The following ZDHHC5 variants were observed in gnomAD, a reference collection of about 807,000 sequenced individuals.
ZDHHC5 encodes zDHHC palmitoyltransferase 5.
Under a neutral mutation model 70.0 loss-of-function variants are expected in ZDHHC5, and 22 were observed. The observed-to-expected ratio is 0.31, with a 90% CI of 0.22 to 0.45. ZDHHC5 has a LOEUF of 0.45. Among genes scored for constraint, ZDHHC5 ranks in the 20% least tolerant of loss-of-function variants. The pLI, the probability that ZDHHC5 is intolerant of heterozygous loss-of-function variation, is 1.00. For missense variants in ZDHHC5, 746 were observed against 926.9 expected, an observed-to-expected ratio of 0.80 and a Z score of 2.53; for synonymous variants, 313 against 347.8, an observed-to-expected ratio of 0.90 and a Z score of 1.11.
intron 7 of ZDHHC5, 55 bp downstream of exon 7, chr11:57,692,757 T>C (rs1946302490): frequency 1.3e-6 from 2 of 1,588,026 alleles, no homozygotes; most frequent in South Asian, 1.1e-5. Context: ...TTTATCTTCT[T>C]TGGGCTTGTT....
At chr11:57,675,599 CT>C (rs1167953496) in intron 2 of ZDHHC5, among the ~76,000 whole-genome samples, 1 of 152,238 alleles carries the variant, frequency 6.6e-6, no homozygotes, top group African/African-American at 2.4e-5. Flanking sequence ...TTCCTTCCCC[CT>C]GGCGCTAGTT....
At chr11:57,678,525 C>T (rs902259546) in intron 2 of ZDHHC5, among the ~76,000 whole-genome samples, 2 of 145,624 alleles carry the variant, frequency 1.4e-5, no homozygotes, top group South Asian at 2.2e-4. Context: ...GAGCCGAGAT[C>T]GCGTCACTGC....
Position 57,695,568 on chromosome 11 carries a change from G to T in ZDHHC5, c.886-352G>T, listed in dbSNP as rs1307188402. Among the ~76,000 whole-genome samples, 8 of 152,072 alleles carry T rather than the reference G, an allele frequency of 5.3e-5. 1 individual carries two copies. The East Asian group carries it at 1.5e-3, about 29-fold the overall frequency. ...AGGGTGGCCAAGGTGGGGTGATATT[G>T]CTTGAGGCCAGGGGTTCAAGACCAG... On this transcript the variant is annotated intron_variant, in intron 8 of 11. Transcript: ENST00000287169.
intron 8 of ZDHHC5, among the ~76,000 whole-genome samples, chr11:57,694,261 G>A (rs1460641018): frequency 6.6e-6 from 1 of 152,116 alleles, no homozygotes; most frequent in African/African-American, 2.4e-5. Context: ...CAAAGTGCTA[G>A]GATTACAAGC....
Position 57,672,621 on chromosome 11 carries a change from G to T in ZDHHC5, c.-470G>T. The T allele has an allele frequency of 4.8e-6, 1 of 207,008 alleles. No homozygotes were observed. The highest frequency in any genetic ancestry group is 9.5e-6 in the Non-Finnish European group (1 of 104,838). The allele number at this position is 207,008 out of a possible 1,614,324, so 12.8% of individuals were successfully genotyped here. ...TCACATTTTATGGAACTGTAGTCGT[G>T]GAGGTACTATAGTATCTCAGAAGAA... is the stretch of plus-strand genomic sequence containing the variant. On this transcript the variant is annotated 5_prime_UTR_variant, in exon 2 of 12. Transcript: ENST00000287169.
chr11:57,684,867 G>A (rs917275324), intron 3 of ZDHHC5, among the ~76,000 whole-genome samples: 1 of 152,114 alleles, frequency 6.6e-6, no homozygotes. Context: ...TTCACTGTAG[G>A]CTTGGCGTGG....
intron 2 of ZDHHC5, among the ~76,000 whole-genome samples, chr11:57,678,841 G>A (rs1946108768): frequency 6.6e-6 from 1 of 152,174 alleles, no homozygotes; most frequent in Admixed American, 6.5e-5. Context: ...GGGTGACAGA[G>A]CGAGACCCTG....
At position 57,700,860 on chromosome 11, in the gene ZDHHC5, A is replaced by G. The variant is rs1361730040; in HGVS notation, c.*829A>G. ...GGGAGAGGGATTAGAGTGTGCTCCT[A>G]CTGGCCCCTTGGAGCCTCCCCTAGC... On this transcript the variant is annotated 3_prime_UTR_variant, in exon 12 of 12. Coordinates refer to ENST00000287169, the MANE Select transcript of ZDHHC5 (RefSeq NM_015457.3). 1 of 152,644 alleles carries G rather than the reference A, an allele frequency of 6.6e-6. No individual in the cohort carries two copies. The highest frequency in any genetic ancestry group is 1.5e-5 in the Non-Finnish European group (1 of 68,048). The allele number at this position is 152,644 out of a possible 1,614,324, so 9.5% of individuals were successfully genotyped here.
intron 3 of ZDHHC5, among the ~76,000 whole-genome samples, chr11:57,683,430 AT>A (rs369833676): frequency 1.1e-3 from 174 of 152,284 alleles, no homozygotes; most frequent in African/African-American, 4.0e-3. Flanking sequence ...ACTTTTCATG[AT>A]TTTATTGGGC....
At chr11:57,691,235 C>T (rs1946281536) in intron 6 of ZDHHC5, among the ~76,000 whole-genome samples, 1 of 152,120 alleles carries the variant, frequency 6.6e-6, no homozygotes, top group African/African-American at 2.4e-5. Context: ...CCACGCCCAA[C>T]TAATTTTTGT....
intron 8 of ZDHHC5, among the ~76,000 whole-genome samples, chr11:57,695,459 C>G (rs566003400): frequency 3.3e-5 from 5 of 152,014 alleles, no homozygotes; most frequent in African/African-American, 1.2e-4. Context: ...AATGCTATAC[C>G]CAAACTGATT....
intron 3 of ZDHHC5, among the ~76,000 whole-genome samples, chr11:57,686,014 A>G (rs1241766085): frequency 1.3e-5 from 2 of 152,194 alleles, no homozygotes; most frequent in South Asian, 2.1e-4. Context: ...GTGTGAGACT[A>G]CATCTCAAAA....
intron 2 of ZDHHC5, among the ~76,000 whole-genome samples, chr11:57,681,301 G>T (rs1946147233): frequency 6.6e-6 from 1 of 152,162 alleles, no homozygotes; most frequent in Non-Finnish European, 1.5e-5. Context: ...ATGCTGTCTT[G>T]TTCTCCTGTC....
Position 57,696,748 on chromosome 11 carries a change from T to A in ZDHHC5, c.1010-13T>A. On this transcript the variant is annotated splice_polypyrimidine_tract_variant and intron_variant, in intron 9 of 11. Transcript: ENST00000287169. ...CTTGTAAAATAGTGCCCCCTTGGCCTTTTTTCTTGCAGATAGTAGCTTATT... is the reference window on the plus strand; with the variant it reads ...CTTGTAAAATAGTGCCCCCTTGGCCATTTTTCTTGCAGATAGTAGCTTATT... 6.2e-7 allele frequency: 1 copy of A among 1,608,984 alleles called. No homozygotes were observed. The highest frequency in any genetic ancestry group is 1.1e-5 in the South Asian group (1 of 90,988).
chr11:57,673,677 TCTC>T (rs1590855854), intron 2 of ZDHHC5, among the ~76,000 whole-genome samples: 1 of 152,162 alleles, frequency 6.6e-6, no homozygotes, highest in Admixed American at 6.5e-5. Flanking sequence ...TTCAAGCGAT[TCTC>T]CTGCCTCAGG....
At chr11:57,699,657 T>G (rs533645928) in intron 11 of ZDHHC5, among the ~76,000 whole-genome samples, 2 of 152,242 alleles carry the variant, frequency 1.3e-5, no homozygotes, top group Non-Finnish European at 2.9e-5. Flanking sequence ...AGTAAGTACA[T>G]GTGATAGCTG....
Position 57,672,733 on chromosome 11 carries a change from ATCTG to A in ZDHHC5, c.-353_-350del, listed in dbSNP as rs1366391177. 2.4e-5 allele frequency: 5 copies of A among 206,294 alleles called. No homozygotes were observed. The South Asian group carries it at 3.2e-4, about 13-fold the overall frequency. 12.8% of individuals were successfully genotyped at this position (206,294 alleles called of 1,614,324 possible). A position where few individuals can be genotyped will look rare whatever the true frequency, so the allele number is the denominator to read the frequency against. The stretch of plus-strand genomic sequence containing the variant: ...GCCTCCATCCATGAGCTGTATCTTG[ATCTG>A]TCTGACTGTCCATGTTTTCCACCTG... On this transcript the variant is annotated 5_prime_UTR_variant, in exon 2 of 12. The change creates a premature stop within an existing upstream ORF in the 5' untranslated region. Coordinates refer to ENST00000287169, the MANE Select transcript of ZDHHC5 (RefSeq NM_015457.3).
chr11:57,699,627 C>T (rs1312228858), intron 11 of ZDHHC5, among the ~76,000 whole-genome samples: 1 of 152,170 alleles, frequency 6.6e-6, no homozygotes, highest in Non-Finnish European at 1.5e-5. Context: ...ATGCTATCTT[C>T]CTAAAAGTAT....
At chr11:57,695,408 A>G (rs1179742577) in intron 8 of ZDHHC5, among the ~76,000 whole-genome samples, 1 of 152,066 alleles carries the variant, frequency 6.6e-6, no homozygotes, top group Admixed American at 6.6e-5. Context: ...TGACTGAGCA[A>G]GACTCCATTT....
Sources: gnomAD v4.1 joint callset for allele counts (sites outside exome capture counted in the v4.1 genomes callset) on GRCh38, gnomAD v4.1.1 for gene constraint, MANE v1.5 for transcripts, NCBI Gene and HGNC (gene_info 2026-07-23, HGNC 2026-07-21) for gene names.